Variants in A4GALT observed in about 807,000 individuals in gnomAD.
A4GALT encodes lactosylceramide 4-alpha-galactosyltransferase.
For synonymous variants in A4GALT, 257 were observed against 220.7 expected (o/e 1.16, Z -1.46); for missense variants, 512 against 486.0 (o/e 1.05, Z -0.50).
At chr22:42,717,418 C>T (rs1769068680) in intron 1 of A4GALT, among the ~76,000 whole-genome samples, 1 of 152,048 alleles carries the variant, frequency 6.6e-6, no homozygotes, top group African/African-American at 2.4e-5. Context: ...AAGACTGGGG[C>T]CCTCCCCTCC....
intron 1 of A4GALT, among the ~76,000 whole-genome samples, chr22:42,700,053 C>T (rs1236365896): frequency 6.6e-6 from 1 of 152,226 alleles, no homozygotes; most frequent in Non-Finnish European, 1.5e-5. Flanking sequence ...CAACACTGGC[C>T]CGCAGTGGGT....
At position 42,720,200 on chromosome 22, in the gene A4GALT, C is replaced by T. The variant is rs1013259657; in HGVS notation, c.-188+597G>A. ...CCGGGCGACTCCAACCGGCTCGCCC[C>T]GTGCCCAGCTCGTACCCAGGCCGTT... On this transcript the variant is annotated intron_variant, in intron 1 of 2. Transcript: ENST00000642412. 3.9e-5 allele frequency among the ~76,000 whole-genome samples: 6 copies of T among 152,266 alleles called. 1 individual carries two copies. The South Asian group carries it at 1.2e-3, about 32-fold the overall frequency.
In A4GALT at chr22:42,704,935, A is replaced by T. The variant is rs1412758308; in HGVS notation, c.-187-9304T>A. Reference sequence around the variant, plus strand: ...AGAGTGGAAGACCCCAGAAAAGGCCACTTCTAAAAGGGAGATGGCAGAAGG... The same window carrying T: ...AGAGTGGAAGACCCCAGAAAAGGCCTCTTCTAAAAGGGAGATGGCAGAAGG... On this transcript the variant is annotated intron_variant, in intron 1 of 2. Coordinates refer to ENST00000642412, the MANE Select transcript of A4GALT (RefSeq NM_017436.7). 2.6e-5 allele frequency among the ~76,000 whole-genome samples: 4 copies of T among 152,032 alleles called. No homozygotes were observed. The East Asian group carries it at 7.7e-4, about 29-fold the overall frequency.
chr22:42,704,140 C>T (rs141341786), intron 1 of A4GALT, among the ~76,000 whole-genome samples: 2 of 152,242 alleles, frequency 1.3e-5, no homozygotes, highest in East Asian at 1.9e-4. Context: ...AATATTTCTA[C>T]CCAAGAAGTA....
At chr22:42,708,573 G>GGAAGGAAGGAAGGAAGGAAGGAAA (rs1569058888) in intron 1 of A4GALT, among the ~76,000 whole-genome samples, 2 of 151,154 alleles carry the variant, frequency 1.3e-5, no homozygotes, top group East Asian at 3.9e-4. Flanking sequence ...AAGGAAGGAA[G>GGAAGGAAGGAAGGAAGGAAGGAAA]GAAGGAAGGA....
chr22:42,699,797 C>T lies in A4GALT; in HGVS notation c.-187-4166G>A, dbSNP rs181451034. On this transcript the variant is annotated intron_variant, in intron 1 of 2. Transcript: ENST00000642412. ...CAGGACACAGGGTGCCCCAATTAAA[C>T]GTTACTCCTGGGTGTGTCTGGGGGT... Among the ~76,000 whole-genome samples the T allele has an allele frequency of 5.3e-5, 8 of 152,308 alleles. No homozygotes were observed. In the East Asian group the frequency reaches 5.8e-4, roughly 11 times the overall value.
rs752066369 is a variant in A4GALT, at chr22:42,693,937, G to A, written c.15C>T (p.Pro5=). 24 of 1,588,048 alleles carry A rather than the reference G, an allele frequency of 1.5e-5. No individual in the cohort carries two copies. Among genetic ancestry groups the A allele is most frequent in the Non-Finnish European group, 1.7e-5 (20 of 1,167,718 alleles). Residue 5 remains proline (P), a synonymous_variant, in exon 3 of 3, where the codon CCC becomes CCT. Coordinates refer to ENST00000642412, the MANE Select transcript of A4GALT (RefSeq NM_017436.7). MSKP[P]DLLLRLLRGA... Reference sequence around the variant, plus strand: ...CCCGGAGCAGCCGCAGCAGGAGGTCGGGGGGCTTGGACATGGTATCCCCAG... The same window carrying A: ...CCCGGAGCAGCCGCAGCAGGAGGTCAGGGGGCTTGGACATGGTATCCCCAG...
chr22:42,713,892 T>G (rs2147037915), intron 1 of A4GALT, among the ~76,000 whole-genome samples: 1 of 150,350 alleles, frequency 6.7e-6, no homozygotes, highest in South Asian at 2.1e-4. Flanking sequence ...ACACCTGTAA[T>G]CCCAGCACTT....
Position 42,700,863 on chromosome 22 carries a change from GT to G in A4GALT, c.-187-5233del, listed in dbSNP as rs527284582. Reference sequence around the variant, plus strand: ...TTTCCTCCGGCAGGGGAACTGGTGGGTATCTGTGTGCAGAAGTCTCTGATGG... The same window carrying G: ...TTTCCTCCGGCAGGGGAACTGGTGGGATCTGTGTGCAGAAGTCTCTGATGG... On this transcript the variant is annotated intron_variant, in intron 1 of 2. Transcript: ENST00000642412. Among the ~76,000 whole-genome samples the G allele has an allele frequency of 2.0e-3, 306 of 152,354 alleles. 1 individual carries two copies. Among genetic ancestry groups the G allele is most frequent in the Non-Finnish European group, 3.6e-3 (246 of 68,028 alleles).
intron 1 of A4GALT, among the ~76,000 whole-genome samples, chr22:42,718,818 A>G (rs8138149): frequency 0.21 from 31,222 of 152,022 alleles, 3,841 homozygotes; most frequent in East Asian, 0.61. Context: ...GATCAACAGG[A>G]GTTTGTGAGC....
Position 42,692,676 on chromosome 22 carries a change from A to C in A4GALT, c.*214T>G. 2.9e-6 allele frequency: 2 copies of C among 698,310 alleles called. No individual in the cohort carries two copies. Among genetic ancestry groups the C allele is most frequent in the Non-Finnish European group, 5.2e-6 (2 of 387,116 alleles). 43.3% of individuals were successfully genotyped at this position (698,310 alleles called of 1,614,324 possible). A position where few individuals can be genotyped will look rare whatever the true frequency, so the allele number is the denominator to read the frequency against. On this transcript the variant is annotated 3_prime_UTR_variant, in exon 3 of 3. Coordinates refer to ENST00000642412, the MANE Select transcript of A4GALT (RefSeq NM_017436.7). This position sits in a 1 kb window ranked among gnomAD's most constrained non-coding sequence, Gnocchi z 4.6. ...ACTCACTGAGCGCCCTCCGCTGGCT[A>C]TGGCACCATGTGTCAGCCCTGCCTC...
chr22:42,701,133 G>T (rs1931273401), intron 1 of A4GALT, among the ~76,000 whole-genome samples: 1 of 152,186 alleles, frequency 6.6e-6, no homozygotes, highest in African/African-American at 2.4e-5. Flanking sequence ...CACCCCCAGG[G>T]TCTCCCAGCT....
chr22:42,704,901 G>T (rs1488018259), intron 1 of A4GALT, among the ~76,000 whole-genome samples: 3 of 151,682 alleles, frequency 2.0e-5, no homozygotes, highest in African/African-American at 7.3e-5. Flanking sequence ...GCGGAGGCGG[G>T]GGAGCTCAAG....
At chr22:42,699,622 C>A (rs1931167569) in intron 1 of A4GALT, among the ~76,000 whole-genome samples, 1 of 152,172 alleles carries the variant, frequency 6.6e-6, no homozygotes, top group South Asian at 2.1e-4. Flanking sequence ...CGCAGGACTG[C>A]ACAGAGGGAG....
In A4GALT at chr22:42,693,373, C is replaced by T; in HGVS notation, c.579G>A (p.Thr193=). Residue 193 remains threonine (T), a synonymous_variant, in exon 3 of 3, where the codon ACG becomes ACA. Coordinates refer to ENST00000642412, the MANE Select transcript of A4GALT (RefSeq NM_017436.7). The part of the protein sequence containing the change: ...MWKFGGIYLD[T]DFIVLKNLRN... ...GCAGGTTCTTGAGAACAATGAAGTC[C>T]GTGTCCAGGTAGATGCCGCCGAACT... 5 of 1,613,314 alleles carry T rather than the reference C, an allele frequency of 3.1e-6. No homozygotes were observed. Among genetic ancestry groups the T allele is most frequent in the Non-Finnish European group, 4.2e-6 (5 of 1,179,986 alleles).
intron 1 of A4GALT, among the ~76,000 whole-genome samples, chr22:42,716,609 G>A (rs1397312680): frequency 1.3e-5 from 2 of 152,106 alleles, no homozygotes; most frequent in Non-Finnish European, 2.9e-5. Context: ...GGGGAAAGGG[G>A]TCTGTCTACC....
In A4GALT at chr22:42,693,750, TGG is replaced by T. The variant is rs775626055; in HGVS notation, c.200_201del (p.Pro67HisfsTer215). The T allele has an allele frequency of 3.1e-5, 12 of 391,460 alleles. No individual in the cohort carries two copies. Among genetic ancestry groups the T allele is most frequent in the Non-Finnish European group, 5.2e-5 (12 of 232,116 alleles). The allele number at this position is 391,460 out of a possible 1,614,324, so 24.2% of individuals were successfully genotyped here. On this transcript the variant is annotated frameshift_variant, in exon 3 of 3. Coordinates refer to ENST00000642412, the MANE Select transcript of A4GALT (RefSeq NM_017436.7). LOFTEE classifies it low-confidence loss of function (END_TRUNC). The part of the protein sequence containing the change: ...AEIPCPTLTP[P>X]TPPSHGPTPG... ...GGAGTGGGGCCGTGGGAGGGTGGGG[TGG>T]GGGGTGTCAAGGTGGGGCAGGGGAT... is the stretch of plus-strand genomic sequence containing the variant.
chr22:42,720,227 C>T (rs1430354350), intron 1 of A4GALT, among the ~76,000 whole-genome samples: 2 of 84,104 alleles, frequency 2.4e-5, no homozygotes, highest in East Asian at 1.8e-3. Context: ...CAGGCCGTTT[C>T]CCGCACGGGG....
chr22:42,692,753 C>T lies in A4GALT; in HGVS notation c.*137G>A, dbSNP rs1317001587. 1.4e-5 allele frequency: 14 copies of T among 1,031,466 alleles called. No homozygotes were observed. The highest frequency in any genetic ancestry group is 1.1e-4 in the South Asian group (8 of 73,896). 63.9% of individuals were successfully genotyped at this position (1,031,466 alleles called of 1,614,324 possible). A position where few individuals can be genotyped will look rare whatever the true frequency, so the allele number is the denominator to read the frequency against. Reference sequence around the variant, plus strand: ...CCACAGCCTCCCACTGGGCCTGCTCCCACAGCTCCTCAACAGCCTGCCTAA... The same window carrying T: ...CCACAGCCTCCCACTGGGCCTGCTCTCACAGCTCCTCAACAGCCTGCCTAA... On this transcript the variant is annotated 3_prime_UTR_variant, in exon 3 of 3. Transcript: ENST00000642412. The surrounding 1 kb of genome is among the most constrained non-coding windows in gnomAD (Gnocchi z 4.6).
Sources: allele counts gnomAD v4.1 joint callset (sites outside exome capture counted in the v4.1 genomes callset), GRCh38; gene constraint gnomAD v4.1.1; non-coding constraint Gnocchi (gnomAD v3.1); transcripts MANE v1.5; gene names NCBI Gene and HGNC (gene_info 2026-07-23, HGNC 2026-07-21).